Variants in SULT1C4 observed in about 807,000 individuals in gnomAD.
SULT1C4 encodes sulfotransferase family 1C member 4, also known as sulfotransferase 1C4.
SULT1C4 carries 32 observed loss-of-function variants against 34.8 expected under a neutral mutation model. The ratio of observed to expected loss-of-function variants is 0.92; its 90% CI spans 0.69 to 1.23. The LOEUF (loss-of-function observed/expected upper bound fraction) is 1.23. SULT1C4 is among the 50% of genes most tolerant of loss of function. The probability of loss-of-function intolerance (pLI) is 0.00; values close to 1 mark genes in which losing one functional copy is unlikely to be tolerated. For missense variants in SULT1C4, 375 were observed against 365.9 expected (o/e 1.02, Z -0.20); for synonymous variants, 111 against 120.5 (o/e 0.92, Z 0.51).
chr2:108,382,363 T>C, intron 2 of SULT1C4, 22 bp from the exon 3 acceptor site: 1 of 1,598,784 alleles, frequency 6.3e-7, no homozygotes, highest in Non-Finnish European at 8.5e-7. Flanking sequence ...TCGTAGAAAT[T>C]GATCGAAAAC....
intron 6 of SULT1C4, 85 bp from the exon 7 acceptor site, chr2:108,387,235 G>A (rs1678591057): frequency 9.6e-7 from 1 of 1,043,518 alleles, no homozygotes; most frequent in Non-Finnish European, 1.4e-6. Context: ...ACATGGCATA[G>A]AAATCATCAT....
Position 108,378,123 on chromosome 2 carries a change from GAC to G in SULT1C4, c.-213_-212del. ...GCAGTTCCTCAGGAAACTGCCAGTG[GAC>G]AAAGTCATAAACAAGAGTTCCAGTT... On this transcript the variant is annotated 5_prime_UTR_variant, in exon 1 of 7. Coordinates refer to ENST00000272452, the MANE Select transcript of SULT1C4 (RefSeq NM_006588.4). 2.6e-6 allele frequency: 1 copy of G among 390,546 alleles called. No homozygotes were observed. The highest frequency in any genetic ancestry group is 5.5e-5 in the South Asian group (1 of 18,176). The allele number at this position is 390,546 out of a possible 1,614,324, so 24.2% of individuals were successfully genotyped here.
At chr2:108,378,541 G>A (rs374679264) in intron 1 of SULT1C4, 35 bp downstream of exon 1, 101 of 1,602,486 alleles carry the variant, frequency 6.3e-5, no homozygotes, top group Non-Finnish European at 8.3e-5. Context: ...AGGGGAAGAG[G>A]AGAGTTAGGA....
In SULT1C4 at chr2:108,382,402, G is replaced by A. The variant is rs1678429808; in HGVS notation, c.313G>A (p.Ala105Thr). 5.0e-6 allele frequency: 8 copies of A among 1,613,976 alleles called. No individual in the cohort carries two copies. The highest frequency in any genetic ancestry group is 5.9e-6 in the Non-Finnish European group (7 of 1,179,958). ...SLGSGLEQAH[A>T]MPSPRILKTH... ...TTTTGCAGGTTTGGAACAAGCTCAT[G>A]CAATGCCCTCACCACGGATCCTGAA... Residue 105 changes from alanine to threonine, a missense_variant, in exon 3 of 7, where the codon GCA becomes ACA. Physicochemically the swap from Ala to Thr is moderately conservative, Grantham distance 58 (BLOSUM62 0). Coordinates refer to ENST00000272452, the MANE Select transcript of SULT1C4 (RefSeq NM_006588.4).
At chr2:108,383,355 C>T (rs370073507) in intron 4 of SULT1C4, 61 bp from the exon 5 acceptor site, 1 of 1,594,424 alleles carries the variant, frequency 6.3e-7, no homozygotes, top group Admixed American at 1.7e-5. Context: ...AGGAATTCTC[C>T]TTTCAGTGGT....
intron 1 of SULT1C4, 151 bp from the exon 2 acceptor site, chr2:108,381,611 C>T: frequency 2.3e-6 from 2 of 879,356 alleles, no homozygotes; most frequent in African/African-American, 1.7e-5. Context: ...CCATTGAACT[C>T]CAGCCTTGAT....
intron 6 of SULT1C4, 28 bp from the exon 7 acceptor site, chr2:108,387,292 G>C (rs1207872867): frequency 6.4e-7 from 1 of 1,550,808 alleles, no homozygotes; most frequent in East Asian, 2.2e-5. Context: ...AACAGCTACT[G>C]AACCTCTCCC....
intron 1 of SULT1C4, among the ~76,000 whole-genome samples, chr2:108,380,923 G>A (rs150864321): frequency 4.6e-4 from 70 of 152,298 alleles, no homozygotes; most frequent in African/African-American, 1.5e-3. Flanking sequence ...TTTAGGGAAG[G>A]CCTTTTACAG....
Position 108,378,165 on chromosome 2 carries a change from T to G in SULT1C4, c.-173T>G. On this transcript the variant is annotated 5_prime_UTR_variant, in exon 1 of 7. Coordinates refer to ENST00000272452, the MANE Select transcript of SULT1C4 (RefSeq NM_006588.4). ...GAGTTCCAGTTCCCTGGAACCTGAG[T>G]CGGGAGGCCTGCAACTCACTTTCTC... 5.7e-6 allele frequency: 3 copies of G among 530,522 alleles called. No homozygotes were observed. Among genetic ancestry groups the G allele is most frequent in the Non-Finnish European group, 9.7e-6 (3 of 308,482 alleles). 32.9% of individuals were successfully genotyped at this position (530,522 alleles called of 1,614,324 possible). A position where few individuals can be genotyped will look rare whatever the true frequency, so the allele number is the denominator to read the frequency against.
intron 6 of SULT1C4, among the ~76,000 whole-genome samples, chr2:108,386,670 C>A (rs1434684844): frequency 6.6e-6 from 1 of 152,066 alleles, no homozygotes; most frequent in Non-Finnish European, 1.5e-5. Flanking sequence ...GCAAAGAATC[C>A]ATTTTATAGA....
At chr2:108,378,964 C>T (rs1397874084) in intron 1 of SULT1C4, among the ~76,000 whole-genome samples, 3 of 152,106 alleles carry the variant, frequency 2.0e-5, no homozygotes, top group African/African-American at 7.2e-5. Context: ...GTCTGAGAAC[C>T]ATCCTTCTGA....
At chr2:108,387,273 G>C in intron 6 of SULT1C4, 47 bp from the exon 7 acceptor site, 1 of 1,407,142 alleles carries the variant, frequency 7.1e-7, no homozygotes, top group Middle Eastern at 1.8e-4. Flanking sequence ...GGGAAGCACA[G>C]ACTCTTCCAA....
intron 1 of SULT1C4, among the ~76,000 whole-genome samples, chr2:108,381,222 G>A (rs1384418408): frequency 6.6e-6 from 1 of 152,000 alleles, no homozygotes; most frequent in Non-Finnish European, 1.5e-5. Context: ...AAAAATAAAT[G>A]TATATTTATC....
Position 108,388,894 on chromosome 2 carries a change from A to G in SULT1C4, c.*1462A>G, listed in dbSNP as rs892400661. On this transcript the variant is annotated 3_prime_UTR_variant, in exon 7 of 7. Transcript: ENST00000272452. ...TAACCAGTCCCTTCCTCCTACAAACACTACAACCTGGAAAGCACTCTTGCT... is the reference window on the plus strand; with the variant it reads ...TAACCAGTCCCTTCCTCCTACAAACGCTACAACCTGGAAAGCACTCTTGCT... Among the ~76,000 whole-genome samples, 3 of 152,090 alleles carry G rather than the reference A, an allele frequency of 2.0e-5. No individual in the cohort carries two copies. The highest frequency in any genetic ancestry group is 4.4e-5 in the Non-Finnish European group (3 of 68,022).
intron 1 of SULT1C4, among the ~76,000 whole-genome samples, chr2:108,381,408 G>A (rs931502189): frequency 6.6e-6 from 1 of 152,200 alleles, no homozygotes; most frequent in African/African-American, 2.4e-5. Flanking sequence ...AGGCCGAGGC[G>A]AGCAGATCAC....
intron 1 of SULT1C4, 127 bp downstream of exon 1, chr2:108,378,633 G>T: frequency 9.7e-7 from 1 of 1,028,872 alleles, no homozygotes; most frequent in Non-Finnish European, 1.4e-6. Flanking sequence ...GCTAAGGAAA[G>T]TTACTAGTGG....
chr2:108,382,236 AG>A (rs1678422577), intron 2 of SULT1C4, 148 bp from the exon 3 acceptor site: 2 of 705,394 alleles, frequency 2.8e-6, no homozygotes, highest in Non-Finnish European at 5.0e-6. Flanking sequence ...ATCTATTCAT[AG>A]GCTAGACGTA....
In SULT1C4 at chr2:108,383,339, C is replaced by T. The variant is rs950049508; in HGVS notation, c.521-77C>T. On this transcript the variant is annotated intron_variant, in intron 4 of 6. Transcript: ENST00000272452. ...CTTCTTTAATGGAACATTCTCACTT[C>T]TCTTCAGGAATTCTCCTTTCAGTGG... 8.2e-6 allele frequency: 13 copies of T among 1,587,928 alleles called. No individual in the cohort carries two copies. The African/African-American group carries it at 9.5e-5, about 12-fold the overall frequency.
Position 108,383,133 on chromosome 2 carries a change from C to T in SULT1C4, c.434C>T (p.Ser145Phe). ...AGAAATCCCAAGGACAACATGGTGT[C>T]CTATTACCATTTCCAAAGAATGAAT... is the stretch of plus-strand genomic sequence containing the variant. ...VARNPKDNMV[S>F]YYHFQRMNKA... is the part of the protein sequence containing the mutation. The change falls in exon 4 of 7, where the codon TCC (serine) becomes TTC (phenylalanine). Residue 145 changes from serine (S) to phenylalanine (F), a missense_variant. By Grantham distance (155) the Ser-to-Phe change is radical. Transcript: ENST00000272452. 1 of 1,613,186 alleles carries T rather than the reference C, an allele frequency of 6.2e-7. No individual in the cohort carries two copies. Among genetic ancestry groups the T allele is most frequent in the Non-Finnish European group, 8.5e-7 (1 of 1,179,770 alleles).
Sources: gnomAD v4.1 joint callset for allele counts (sites outside exome capture counted in the v4.1 genomes callset) on GRCh38, gnomAD v4.1.1 for gene constraint, MANE v1.5 for transcripts, NCBI Gene and HGNC (gene_info 2026-07-23, HGNC 2026-07-21) for gene names.